RBFOX1: variants seen among roughly 807,000 people sequenced by gnomAD.
The protein encoded by RBFOX1 is RNA binding protein fox-1 homolog 1.
Under a neutral mutation model 57.7 loss-of-function variants are expected in RBFOX1, and 8 were observed. The observed-to-expected ratio is 0.14, with a 90% CI of 0.08 to 0.25. The LOEUF is 0.25. RBFOX1 is among the 10% of genes least tolerant of loss of function. The pLI is 1.00. For missense variants in RBFOX1, 611 were observed against 548.5 expected, an observed-to-expected ratio of 1.11 and a Z score of -1.14; for synonymous variants, 326 against 222.4, an observed-to-expected ratio of 1.47 and a Z score of -4.15.
At position 7,393,361 on chromosome 16, in the gene RBFOX1, C is replaced by G. The variant is rs2098078547; in HGVS notation, c.28-124786C>G. ...TCACTTCTTGCTCACCTCTGGATGT[C>G]AATCCACAAGTTTTCTTTGGTATCT... is the stretch of plus-strand genomic sequence containing the variant. On this transcript the variant is annotated intron_variant, in intron 4 of 15. Coordinates refer to ENST00000550418, the MANE Select transcript of RBFOX1 (RefSeq NM_018723.4). Among the ~76,000 whole-genome samples, 3 of 152,146 alleles carry G rather than the reference C, an allele frequency of 2.0e-5. No homozygotes were observed. In the South Asian group the frequency reaches 6.2e-4, roughly 32 times the overall value.
chr16:7,626,577 C>T (rs917853922), intron 10 of RBFOX1, among the ~76,000 whole-genome samples: 7 of 152,234 alleles, frequency 4.6e-5, no homozygotes, highest in East Asian at 3.9e-4. Flanking sequence ...ATACAGTCAT[C>T]GACAGTCCAG....
chr16:6,779,050 A>G (rs948077752), intron 3 of RBFOX1, among the ~76,000 whole-genome samples: 4 of 152,184 alleles, frequency 2.6e-5, no homozygotes, highest in South Asian at 2.1e-4. Flanking sequence ...TTTGAAATAT[A>G]CAATGCATTA....
chr16:7,503,099 T>C (rs2071547996), intron 4 of RBFOX1, among the ~76,000 whole-genome samples: 2 of 152,190 alleles, frequency 1.3e-5, no homozygotes, highest in Admixed American at 1.3e-4. Context: ...ACTTTTTATC[T>C]AGAATGTTTA....
At chr16:7,387,252 A>G (rs1391598325) in intron 4 of RBFOX1, among the ~76,000 whole-genome samples, 3 of 152,160 alleles carry the variant, frequency 2.0e-5, no homozygotes, top group Non-Finnish European at 4.4e-5. Flanking sequence ...TATCTTGCTA[A>G]ATTAGTATAG....
chr16:6,524,519 C>T (rs1359451742), intron 2 of RBFOX1, among the ~76,000 whole-genome samples: 1 of 152,078 alleles, frequency 6.6e-6, no homozygotes, highest in African/African-American at 2.4e-5. Context: ...TCCTAGTAAA[C>T]ATTTAGGATG....
At chr16:6,594,259 C>T (rs76063513) in intron 2 of RBFOX1, among the ~76,000 whole-genome samples, 4,296 of 152,192 alleles carry the variant, frequency 0.028, 188 homozygotes, top group African/African-American at 0.096. Context: ...GAAGGAAACA[C>T]GAAGTTCAGA....
intron 2 of RBFOX1, among the ~76,000 whole-genome samples, chr16:5,510,749 A>G (rs924901128): frequency 2.0e-5 from 3 of 152,112 alleles, no homozygotes; most frequent in African/African-American, 4.8e-5. Context: ...CCTCAGAACT[A>G]TTGACACCTT....
chr16:5,680,406 G>A (rs1036550194), intron 3 of RBFOX1, among the ~76,000 whole-genome samples: 45 of 152,156 alleles, frequency 3.0e-4, no homozygotes, highest in African/African-American at 1.0e-3. Flanking sequence ...GATCCATGGG[G>A]GCTGAGGCAG....
chr16:5,891,057 C>A (rs2058034520), intron 4 of RBFOX1, among the ~76,000 whole-genome samples: 1 of 152,116 alleles, frequency 6.6e-6, no homozygotes, highest in African/African-American at 2.4e-5. Flanking sequence ...GCACAATTCC[C>A]AGGGCACAGG....
At chr16:7,313,120 C>G (rs904248034) in intron 4 of RBFOX1, among the ~76,000 whole-genome samples, 1 of 152,138 alleles carries the variant, frequency 6.6e-6, no homozygotes, top group Non-Finnish European at 1.5e-5. Flanking sequence ...TCATCCGGGC[C>G]ACTCCTGGAA....
rs2059874235 is a variant in RBFOX1 at position 5,967,654 on chromosome 16, A to C, written c.351+100319A>C. 2.0e-5 allele frequency among the ~76,000 whole-genome samples: 3 copies of C among 152,186 alleles called. No individual in the cohort carries two copies. The South Asian group carries it at 6.2e-4, about 32-fold the overall frequency. ...TGTTTTACACTTCAGGGATTTTAAC[A>C]AATCTATTCTCTGTTTTATCTATCT... is the stretch of plus-strand genomic sequence containing the variant. On this transcript the variant is annotated intron_variant, in intron 4 of 19. Coordinates refer to the RBFOX1 transcript ENST00000641259.
At chr16:5,945,658 G>A (rs2152270553) in intron 4 of RBFOX1, among the ~76,000 whole-genome samples, 1 of 152,320 alleles carries the variant, frequency 6.6e-6, no homozygotes, top group East Asian at 1.9e-4. Flanking sequence ...CACAGATGTG[G>A]CTGGCTTTAG....
intron 4 of RBFOX1, among the ~76,000 whole-genome samples, chr16:5,874,795 A>G (rs1194161906): frequency 6.6e-6 from 1 of 152,250 alleles, no homozygotes; most frequent in East Asian, 1.9e-4. Context: ...AATTTAGAAA[A>G]TTAGCCAGGC....
intron 3 of RBFOX1, among the ~76,000 whole-genome samples, chr16:5,734,642 C>T (rs2052506355): frequency 6.6e-6 from 1 of 152,148 alleles, no homozygotes; most frequent in African/African-American, 2.4e-5. Context: ...AGACTGAGTG[C>T]ACCTGCCTGT....
intron 3 of RBFOX1, among the ~76,000 whole-genome samples, chr16:5,719,645 T>C (rs1315345652): frequency 3.3e-5 from 5 of 152,204 alleles, no homozygotes; most frequent in Admixed American, 3.3e-4. Context: ...ATATTTCATA[T>C]AGAAGAAATC....
intron 2 of RBFOX1, among the ~76,000 whole-genome samples, chr16:5,565,923 T>A (rs1317096752): frequency 6.6e-6 from 1 of 151,936 alleles, no homozygotes; most frequent in Admixed American, 6.5e-5. Flanking sequence ...AGGGACCCGG[T>A]GGGAGATAAT....
chr16:6,352,316 A>G (rs764568188), intron 2 of RBFOX1, among the ~76,000 whole-genome samples: 26 of 152,300 alleles, frequency 1.7e-4, no homozygotes, highest in Non-Finnish European at 2.9e-4. Flanking sequence ...CATTGTACCT[A>G]AAGTAGTACT....
intron 4 of RBFOX1, among the ~76,000 whole-genome samples, chr16:7,264,181 C>G (rs960686481): frequency 2.6e-5 from 4 of 152,092 alleles, no homozygotes; most frequent in Non-Finnish European, 5.9e-5. Context: ...CTCCAGACCT[C>G]AAGCACTTAG....
intron 4 of RBFOX1, among the ~76,000 whole-genome samples, chr16:5,898,685 C>T (rs933734955): frequency 5.9e-5 from 9 of 152,144 alleles, no homozygotes; most frequent in African/African-American, 1.9e-4. Flanking sequence ...AGAATTTGAT[C>T]TCAAGCCATT....
Sources: gnomAD v4.1 joint callset for allele counts (sites outside exome capture counted in the v4.1 genomes callset) on GRCh38, gnomAD v4.1.1 for gene constraint, MANE v1.5 for transcripts, NCBI Gene and HGNC (gene_info 2026-07-23, HGNC 2026-07-21) for gene names.